The following PDXDC1 variants were observed in gnomAD, a reference collection of about 807,000 sequenced individuals.
PDXDC1 encodes the protein pyridoxal dependent decarboxylase domain containing 1, also known as pyridoxal-dependent decarboxylase domain-containing protein 1.
Under a neutral mutation model 100.1 loss-of-function variants are expected in PDXDC1, and 42 were observed. The ratio of observed to expected loss-of-function variants is 0.42; its 90% CI spans 0.33 to 0.54. The LOEUF is 0.54. Among genes scored for constraint, PDXDC1 ranks in the 20% least tolerant of loss-of-function variants. The pLI, the probability that PDXDC1 is intolerant of heterozygous loss-of-function variation, is 0.10. For missense variants in PDXDC1, 636 were observed against 979.2 expected, an observed-to-expected ratio of 0.65 and a Z score of 4.68; for synonymous variants, 260 against 371.7, an observed-to-expected ratio of 0.70 and a Z score of 3.46.
chr16:15,047,785 A>G (rs2151715529), intron 16 of PDXDC1: 1 of 1,308,860 alleles, frequency 7.6e-7, no homozygotes, highest in Non-Finnish European at 1.1e-6. Context: ...GAAACTCAAC[A>G]CGAGAAATTC....
rs9926041 is a variant in PDXDC1 at position 15,063,084 on chromosome 16, C to T, written c.1399+33028C>T. On this transcript the variant is annotated intron_variant, in intron 16 of 16. Coordinates refer to the PDXDC1 transcript ENST00000535621. ...GTCTCCAGCAATCCTCTGGCCTTGA[C>T]CCCCTAAAGTGCGGGGATTACACGC... 2,152 of 819,448 alleles carry T rather than the reference C, an allele frequency of 2.6e-3. 39 individuals are homozygous for T. The African/African-American group carries it at 0.032, about 12-fold the overall frequency. The allele number at this position is 819,448 out of a possible 1,614,324, so 50.8% of individuals were successfully genotyped here.
chr16:15,037,337 C>CT lies in PDXDC1; in HGVS notation c.*1066dup, dbSNP rs1747524050. 1 of 152,230 alleles carries CT rather than the reference C, an allele frequency of 6.6e-6. No individual in the cohort carries two copies. Among genetic ancestry groups the CT allele is most frequent in the South Asian group, 2.1e-4 (1 of 4,830 alleles). The allele number at this position is 152,230 out of a possible 1,614,324, so 9.4% of individuals were successfully genotyped here. On this transcript the variant is annotated 3_prime_UTR_variant, in exon 23 of 23. Coordinates refer to ENST00000396410, the MANE Select transcript of PDXDC1 (RefSeq NM_015027.4). ...GTGCCTTCTTAATCCAGCAGTCAAG[C>CT]TTTTGGGAGACCTGAAAATGGGAAA...
intron 2 of PDXDC1, 36 bp downstream of exon 2, chr16:14,997,862 CAGCCTGCTGTGA>C (rs1166105532): frequency 1.3e-6 from 2 of 1,571,542 alleles, no homozygotes; most frequent in African/African-American, 2.7e-5. Flanking sequence ...TCAACGAGTT[CAGCCTGCTGTGA>C]AGCCAGTGGC....
chr16:14,993,587 G>A (rs1971334871), intron 1 of PDXDC1, among the ~76,000 whole-genome samples: 1 of 152,288 alleles, frequency 6.6e-6, no homozygotes, highest in Non-Finnish European at 1.5e-5. Context: ...ATTGTGAATA[G>A]TGCCACAATA....
intron 16 of PDXDC1, chr16:15,133,077 C>T: frequency 1.6e-6 from 1 of 638,156 alleles, no homozygotes; most frequent in South Asian, 1.9e-5. Flanking sequence ...TTGTGGAAAG[C>T]AGACGCCGGA....
intron 16 of PDXDC1, among the ~76,000 whole-genome samples, chr16:15,049,099 C>T: frequency 7.4e-6 from 1 of 135,522 alleles, no homozygotes. Flanking sequence ...TCCCTATGCT[C>T]CCCAGGCTGG....
intron 9 of PDXDC1, 87 bp downstream of exon 9, chr16:15,016,300 CATTT>C (rs2041792618): frequency 6.4e-7 from 1 of 1,552,484 alleles, no homozygotes; most frequent in Non-Finnish European, 8.6e-7. Flanking sequence ...ACTTTGGTGA[CATTT>C]ATCACGAAGG....
intron 8 of PDXDC1, among the ~76,000 whole-genome samples, chr16:15,014,859 T>C (rs1314439679): frequency 1.3e-5 from 2 of 152,296 alleles, no homozygotes; most frequent in Non-Finnish European, 2.9e-5. Context: ...AAGTGCTTAA[T>C]ATGCTTAAGC....
chr16:15,142,318 G>A (rs1394572998), downstream of PDXDC1, among the ~76,000 whole-genome samples: 2 of 150,920 alleles, frequency 1.3e-5, no homozygotes, highest in Non-Finnish European at 3.0e-5. Context: ...AGGCAGCCCC[G>A]CCTGTCACCG....
chr16:15,006,748 G>A (rs985308068), intron 6 of PDXDC1, among the ~76,000 whole-genome samples, 165 bp downstream of exon 6: 2 of 152,292 alleles, frequency 1.3e-5, no homozygotes, highest in Admixed American at 6.5e-5. Flanking sequence ...TAGAAATAAG[G>A]AATATGGGAT....
intron 8 of PDXDC1, among the ~76,000 whole-genome samples, chr16:15,014,033 C>A (rs1452123961): frequency 6.6e-6 from 1 of 152,226 alleles, no homozygotes; most frequent in South Asian, 2.1e-4. Context: ...ATGGCGAAAC[C>A]CTGTCTCTAC....
rs1006804716 is a variant in PDXDC1 at position 15,131,675 on chromosome 16, G to C, written c.1400-7204G>C. On this transcript the variant is annotated intron_variant, in intron 16 of 16. Transcript: ENST00000535621. ...CCCAGCTCTGAGCGCTGTGGTGCCC[G>C]CACGTCTGAGCTGGCCAGGTGGATG... The C allele has an allele frequency of 7.7e-6, 12 of 1,565,492 alleles. No homozygotes were observed. In the Admixed American group the frequency reaches 1.8e-4, roughly 23 times the overall value.
rs1350586820 is a variant in PDXDC1 at position 15,096,169 on chromosome 16, C to T, written c.1400-42710C>T. Among the ~76,000 whole-genome samples the T allele has an allele frequency of 4.6e-5, 7 of 151,858 alleles. 1 individual carries two copies. The highest frequency in any genetic ancestry group is 6.8e-3 in the Middle Eastern group (2 of 294). On this transcript the variant is annotated intron_variant, in intron 16 of 16. Coordinates refer to the PDXDC1 transcript ENST00000535621. Reference sequence around the variant, plus strand: ...TGTCACCCAGGCTGGAGTACAGTGTCATGATCTTGGCTCACTGCATCCTCT... The same window carrying T: ...TGTCACCCAGGCTGGAGTACAGTGTTATGATCTTGGCTCACTGCATCCTCT...
At chr16:15,111,747 A>C in intron 16 of PDXDC1, among the ~76,000 whole-genome samples, 1 of 87,748 alleles carries the variant, frequency 1.1e-5, no homozygotes, top group African/African-American at 4.1e-5. Flanking sequence ...ACAGAGTGAG[A>C]CTCCGTCTCA....
At chr16:15,110,727 T>C (rs758899563) in intron 16 of PDXDC1, 2 of 1,587,840 alleles carry the variant, frequency 1.3e-6, no homozygotes, top group South Asian at 1.1e-5. Context: ...CATACCTTCC[T>C]GTCTACGGCG....
chr16:15,075,408 C>T (rs1348434581), intron 16 of PDXDC1, among the ~76,000 whole-genome samples: 1 of 151,522 alleles, frequency 6.6e-6, no homozygotes, highest in African/African-American at 2.4e-5. Context: ...CCTGTCTCTA[C>T]AAAAATAGAA....
At position 15,033,316 on chromosome 16, in the gene PDXDC1, G is replaced by A. The variant is rs2043179904; in HGVS notation, c.1729G>A (p.Gly577Ser). The A allele has an allele frequency of 5.0e-6, 8 of 1,614,146 alleles. No individual in the cohort carries two copies. Among genetic ancestry groups the A allele is most frequent in the East Asian group, 2.2e-5 (1 of 44,884 alleles). ...YKSMKSCLYV[G>S]MASDNVDAAE... ...GAGCATGAAGAGCTGCCTTTATGTCGGCATGGCGAGCGACAACGTCGATGC... is the reference window on the plus strand; with the variant it reads ...GAGCATGAAGAGCTGCCTTTATGTCAGCATGGCGAGCGACAACGTCGATGC... Residue 577 changes from glycine to serine, a missense_variant, in exon 19 of 23, where the codon GGC (glycine) becomes AGC (serine). Gly to Ser is a moderately conservative substitution (Grantham distance 56, BLOSUM62 0). Coordinates refer to ENST00000396410, the MANE Select transcript of PDXDC1 (RefSeq NM_015027.4).
chr16:15,021,223 A>T, intron 12 of PDXDC1, among the ~76,000 whole-genome samples: 1 of 152,246 alleles, frequency 6.6e-6, no homozygotes, highest in Non-Finnish European at 1.5e-5. Context: ...CAAAAAATAC[A>T]AAAATTAGCC....
intron 16 of PDXDC1, chr16:15,133,782 G>A: frequency 3.1e-6 from 5 of 1,589,300 alleles, no homozygotes; most frequent in Non-Finnish European, 2.6e-6. Flanking sequence ...CCCCTAAGCA[G>A]GCCTGTACTC....
Sources: allele counts gnomAD v4.1 joint callset (sites outside exome capture counted in the v4.1 genomes callset), GRCh38; gene constraint gnomAD v4.1.1; transcripts MANE v1.5; gene names NCBI Gene and HGNC (gene_info 2026-07-23, HGNC 2026-07-21).